SLC14A2: variants seen among roughly 807,000 people sequenced by gnomAD.
SLC14A2 encodes the protein solute carrier family 14 member 2.
Under a neutral mutation model 104.6 loss-of-function variants are expected in SLC14A2, and 91 were observed. That is an observed-to-expected ratio of 0.87 (90% CI 0.73 to 1.04). SLC14A2 has a LOEUF of 1.04. Among genes scored for constraint, SLC14A2 ranks in the 50% least tolerant of loss-of-function variants. SLC14A2 has a pLI of 0.00. For synonymous variants in SLC14A2, 476 were observed against 466.4 expected (o/e 1.02, Z -0.27); for missense variants, 1,189 against 1,156.0 (o/e 1.03, Z -0.41).
intron 1 of SLC14A2, among the ~76,000 whole-genome samples, chr18:45,617,468 T>C (rs994855277): frequency 1.3e-5 from 2 of 151,750 alleles, no homozygotes; most frequent in African/African-American, 4.8e-5. Flanking sequence ...TGAGTCAGTC[T>C]CCTCTCAGCC....
At position 45,315,047 on chromosome 18, in the gene SLC14A2, T is replaced by C. The variant is rs563474124; in HGVS notation, c.-125+101856T>C. The stretch of plus-strand genomic sequence containing the variant: ...ACAAATGCTGGGCTGGAGTTAAGCA[T>C]ACAAAAACAGAACCAGGTAAGAGAT... On this transcript the variant is annotated intron_variant, in intron 1 of 20. Transcript: ENST00000586448. 2.1e-4 allele frequency among the ~76,000 whole-genome samples: 32 copies of C among 152,222 alleles called. No homozygotes were observed. The South Asian group carries it at 6.2e-3, about 30-fold the overall frequency.
chr18:45,510,675 G>A (rs962810981), intron 2 of SLC14A2, among the ~76,000 whole-genome samples: 5 of 152,056 alleles, frequency 3.3e-5, no homozygotes, highest in South Asian at 2.1e-4. Context: ...TCTACCCACC[G>A]AGAGAGGCAT....
At position 45,335,313 on chromosome 18, in the gene SLC14A2, C is replaced by A. The variant is rs1028813799; in HGVS notation, c.-125+122122C>A. 5.9e-5 allele frequency among the ~76,000 whole-genome samples: 9 copies of A among 152,098 alleles called. No individual in the cohort carries two copies. The East Asian group carries it at 1.7e-3, about 29-fold the overall frequency. Reference sequence around the variant, plus strand: ...TTTTCATTCTTTCCTTCTTTTATTTCTTTTTGTCTAGCTTCTTTTACTTAG... The same window carrying A: ...TTTTCATTCTTTCCTTCTTTTATTTATTTTTGTCTAGCTTCTTTTACTTAG... On this transcript the variant is annotated intron_variant, in intron 1 of 20. Transcript: ENST00000586448.
chr18:45,542,663 A>C (rs538748839), intron 2 of SLC14A2, among the ~76,000 whole-genome samples: 1 of 152,292 alleles, frequency 6.6e-6, no homozygotes, highest in Non-Finnish European at 1.5e-5. Flanking sequence ...TGTCTAGTAG[A>C]TCTGGAAGGT....
At chr18:45,665,486 G>T (rs2046003574) in intron 11 of SLC14A2, among the ~76,000 whole-genome samples, 1 of 151,972 alleles carries the variant, frequency 6.6e-6, no homozygotes, top group South Asian at 2.1e-4. Flanking sequence ...AGATTACATG[G>T]ATGTCTCTTG....
chr18:45,608,061 T>TGAG (rs2044899474), intron 2 of SLC14A2, among the ~76,000 whole-genome samples: 3 of 152,252 alleles, frequency 2.0e-5, no homozygotes, highest in African/African-American at 2.4e-5. Flanking sequence ...TAACAGTTAC[T>TGAG]TTCTGGTTTC....
At chr18:45,347,616 C>A (rs1269482874) in intron 1 of SLC14A2, among the ~76,000 whole-genome samples, 1 of 152,128 alleles carries the variant, frequency 6.6e-6, no homozygotes, top group African/African-American at 2.4e-5. Context: ...GGTGCTAATA[C>A]CATCTGGTTA....
chr18:45,253,129 T>A (rs541458455), intron 1 of SLC14A2, among the ~76,000 whole-genome samples: 1 of 152,172 alleles, frequency 6.6e-6, no homozygotes, highest in East Asian at 1.9e-4. Context: ...ACCAGATTGT[T>A]TGGCCGAAGT....
intron 2 of SLC14A2, among the ~76,000 whole-genome samples, chr18:45,597,220 G>A (rs772757695): frequency 3.3e-5 from 5 of 152,110 alleles, no homozygotes; most frequent in East Asian, 1.9e-4. Context: ...CCAGCTACTT[G>A]GGAAGCTGAG....
intron 1 of SLC14A2, among the ~76,000 whole-genome samples, chr18:45,311,878 A>G (rs999179478): frequency 2.0e-5 from 3 of 152,252 alleles, no homozygotes; most frequent in African/African-American, 7.2e-5. Context: ...GATTATGCAG[A>G]GGCCAAGACG....
intron 1 of SLC14A2, among the ~76,000 whole-genome samples, chr18:45,388,111 G>C (rs1456427772): frequency 9.0e-6 from 1 of 111,382 alleles, no homozygotes; most frequent in Non-Finnish European, 1.7e-5. Flanking sequence ...GAGTCTCACT[G>C]TGTGCCCAGG....
intron 4 of SLC14A2, 122 bp from the exon 5 acceptor site, chr18:45,632,228 T>C: frequency 7.4e-7 from 1 of 1,344,810 alleles, no homozygotes; most frequent in Non-Finnish European, 1.0e-6. Context: ...GCGAACTGAC[T>C]TTTTTCTAAG....
chr18:45,523,653 AC>A (rs148853496), intron 2 of SLC14A2, among the ~76,000 whole-genome samples: 7,521 of 151,582 alleles, frequency 0.05, 238 homozygotes, highest in Middle Eastern at 0.13. Flanking sequence ...TCATTCTTTA[AC>A]CCCACGAAAT....
chr18:45,248,531 T>A (rs1018789102), intron 1 of SLC14A2, among the ~76,000 whole-genome samples: 1 of 151,852 alleles, frequency 6.6e-6, no homozygotes, highest in Non-Finnish European at 1.5e-5. Flanking sequence ...CTAAAAAAGT[T>A]GGTTGAGCTT....
At chr18:45,666,253 C>T in intron 12 of SLC14A2, 34 bp downstream of exon 12, 1 of 1,446,122 alleles carries the variant, frequency 6.9e-7, no homozygotes, top group South Asian at 1.1e-5. Flanking sequence ...AGGGACAGCG[C>T]CCTACAGTCA....
chr18:45,176,808 A>G, the SLC14A2 span, among the ~76,000 whole-genome samples: 1 of 152,114 alleles, frequency 6.6e-6, no homozygotes. Context: ...CCACTTCTCT[A>G]TGCAAGTTAA....
intron 9 of SLC14A2, 144 bp from the exon 10 acceptor site, chr18:45,643,842 A>G: frequency 1.4e-6 from 1 of 719,934 alleles, no homozygotes; most frequent in Non-Finnish European, 2.3e-6. Context: ...AACTACTGTG[A>G]CATTGCAAAT....
intron 1 of SLC14A2, among the ~76,000 whole-genome samples, chr18:45,424,927 C>T (rs1335856423): frequency 6.6e-6 from 1 of 152,182 alleles, no homozygotes; most frequent in East Asian, 1.9e-4. Context: ...GTTGGGAGTG[C>T]TGGGGGCTAT....
At chr18:45,474,528 G>C (rs572222835) in intron 1 of SLC14A2, among the ~76,000 whole-genome samples, 2 of 152,234 alleles carry the variant, frequency 1.3e-5, no homozygotes, top group South Asian at 2.1e-4. Flanking sequence ...TGGTTGGTAG[G>C]CTATTAATTA....
Sources: gnomAD v4.1 joint callset for allele counts (sites outside exome capture counted in the v4.1 genomes callset) on GRCh38, gnomAD v4.1.1 for gene constraint, MANE v1.5 for transcripts, NCBI Gene and HGNC (gene_info 2026-07-23, HGNC 2026-07-21) for gene names.